The following KCNMA1 variants were observed in gnomAD, a reference collection of about 807,000 sequenced individuals.
The protein encoded by KCNMA1 is Calcium-activated potassium channel subunit alpha-1.
Under a neutral mutation model 140.0 loss-of-function variants are expected in KCNMA1, and 29 were observed. The observed-to-expected ratio is 0.21, with a 90% CI of 0.15 to 0.28. The LOEUF is 0.28. Among genes scored for constraint, KCNMA1 ranks in the 10% least tolerant of loss-of-function variants. The pLI, the probability that KCNMA1 is intolerant of heterozygous loss-of-function variation, is 1.00. For synonymous variants in KCNMA1, 612 were observed against 611.9 expected, an observed-to-expected ratio of 1.00 and a Z score of 0.00; for missense variants, 880 against 1,602.2, an observed-to-expected ratio of 0.55 and a Z score of 7.70.
At chr10:77,623,616 T>C (rs2091932429) in intron 1 of KCNMA1, among the ~76,000 whole-genome samples, 1 of 151,820 alleles carries the variant, frequency 6.6e-6, no homozygotes, top group South Asian at 2.1e-4. Context: ...GGCAGGAGAA[T>C]TGCTTGAACC....
intron 19 of KCNMA1, among the ~76,000 whole-genome samples, chr10:77,000,691 A>C (rs1261147975): frequency 6.6e-6 from 1 of 151,750 alleles, no homozygotes; most frequent in Non-Finnish European, 1.5e-5. Context: ...AAAATAAAAG[A>C]TATTAATGGA....
chr10:77,563,582 C>T (rs896551371), intron 1 of KCNMA1, among the ~76,000 whole-genome samples: 2 of 152,136 alleles, frequency 1.3e-5, no homozygotes, highest in African/African-American at 2.4e-5. Context: ...TCCTTCTACC[C>T]TCCCTCCATC....
intron 27 of KCNMA1, among the ~76,000 whole-genome samples, chr10:76,888,913 G>C (rs1351500883): frequency 6.6e-6 from 1 of 151,966 alleles, no homozygotes; most frequent in Non-Finnish European, 1.5e-5. Flanking sequence ...ACAAAAATTG[G>C]CTGGGTGTGG....
At chr10:77,264,887 C>T (rs1422172496) in intron 2 of KCNMA1, among the ~76,000 whole-genome samples, 1 of 152,142 alleles carries the variant, frequency 6.6e-6, no homozygotes, top group African/African-American at 2.4e-5. Context: ...TTCATTCATT[C>T]ATTCAGTGCA....
chr10:77,364,840 C>T (rs919397396), intron 2 of KCNMA1, among the ~76,000 whole-genome samples: 1 of 152,146 alleles, frequency 6.6e-6, no homozygotes, highest in African/African-American at 2.4e-5. Context: ...ATGAAATTGG[C>T]ACGTTTACCT....
chr10:77,243,252 G>A (rs1300161635), intron 3 of KCNMA1, among the ~76,000 whole-genome samples: 1 of 152,158 alleles, frequency 6.6e-6, no homozygotes, highest in Non-Finnish European at 1.5e-5. Context: ...CTGCCCTTGT[G>A]TTTGGATTAA....
chr10:77,222,006 C>CATA (rs34280745), intron 3 of KCNMA1, among the ~76,000 whole-genome samples: 46,218 of 151,922 alleles, frequency 0.3, 7,502 homozygotes, highest in Non-Finnish European at 0.35. Context: ...AAATGGTGAT[C>CATA]ATAACTCCTT....
At chr10:76,891,758 C>A in intron 25 of KCNMA1, 39 bp from the exon 26 acceptor site, 1 of 1,542,894 alleles carries the variant, frequency 6.5e-7, no homozygotes, top group South Asian at 1.1e-5. Flanking sequence ...GTCCTTTAAG[C>A]AAACACCCTA....
chr10:77,276,884 A>T (rs2066834441), intron 2 of KCNMA1, among the ~76,000 whole-genome samples: 1 of 152,128 alleles, frequency 6.6e-6, no homozygotes, highest in South Asian at 2.1e-4. Context: ...TCCCCATTTA[A>T]TCCCCACAAA....
At chr10:77,076,497 G>A (rs532420958) in intron 13 of KCNMA1, among the ~76,000 whole-genome samples, 145 of 152,048 alleles carry the variant, frequency 9.5e-4, no homozygotes, top group Non-Finnish European at 1.7e-3. Context: ...CCTACTCTCG[G>A]GAACCACAGT....
At chr10:77,156,478 C>T (rs2098485672) in intron 5 of KCNMA1, among the ~76,000 whole-genome samples, 2 of 152,204 alleles carry the variant, frequency 1.3e-5, no homozygotes, top group Admixed American at 6.5e-5. Context: ...TACCCTTAGT[C>T]ATTCCTGGGC....
intron 1 of KCNMA1, among the ~76,000 whole-genome samples, chr10:77,536,611 G>A (rs1054989876): frequency 1.3e-5 from 2 of 152,160 alleles, no homozygotes; most frequent in Non-Finnish European, 2.9e-5. Context: ...GGAAGTAGAG[G>A]CACAAAGAGG....
intron 3 of KCNMA1, among the ~76,000 whole-genome samples, chr10:77,235,158 G>A (rs1351921634): frequency 2.6e-5 from 4 of 152,086 alleles, no homozygotes; most frequent in Non-Finnish European, 5.9e-5. Context: ...TAAATATTAG[G>A]GCTTGGCCTC....
intron 2 of KCNMA1, among the ~76,000 whole-genome samples, chr10:77,365,002 T>A (rs1345362840): frequency 6.6e-6 from 1 of 152,068 alleles, no homozygotes; most frequent in Non-Finnish European, 1.5e-5. Context: ...CGGGGAAAAA[T>A]TAGGAAACAA....
intron 2 of KCNMA1, among the ~76,000 whole-genome samples, chr10:77,348,259 G>A (rs1221961562): frequency 6.6e-6 from 1 of 152,264 alleles, no homozygotes; most frequent in Non-Finnish European, 1.5e-5. Context: ...CATACGATTC[G>A]AGATGTACCA....
intron 14 of KCNMA1, among the ~76,000 whole-genome samples, chr10:77,057,195 T>A (rs560481626): frequency 1.1e-4 from 16 of 152,254 alleles, no homozygotes; most frequent in African/African-American, 3.8e-4. Flanking sequence ...AAATGACTCA[T>A]TACTTATAGG....
At chr10:77,606,965 T>C (rs11593685) in intron 1 of KCNMA1, among the ~76,000 whole-genome samples, 37,793 of 152,072 alleles carry the variant, frequency 0.25, 4,914 homozygotes, top group Middle Eastern at 0.38. Context: ...TCTCCATGAC[T>C]CAGTTTGCCT....
chr10:77,532,848 T>A (rs900747921), intron 1 of KCNMA1, among the ~76,000 whole-genome samples: 1 of 152,194 alleles, frequency 6.6e-6, no homozygotes, highest in African/African-American at 2.4e-5. Flanking sequence ...AACCTTCCTA[T>A]TGGCTCTATG....
chr10:77,097,151 T>C (rs1466401717), intron 9 of KCNMA1, among the ~76,000 whole-genome samples: 1 of 152,238 alleles, frequency 6.6e-6, no homozygotes, highest in Non-Finnish European at 1.5e-5. Context: ...AGTGCTTTTC[T>C]TGGCTACTTA....
Sources: allele counts gnomAD v4.1 joint callset (sites outside exome capture counted in the v4.1 genomes callset), GRCh38; gene constraint gnomAD v4.1.1; transcripts MANE v1.5; gene names NCBI Gene and HGNC (gene_info 2026-07-23, HGNC 2026-07-21).